Variants in WDR27 observed in about 807,000 individuals in gnomAD.
WDR27 encodes WD repeat domain 27, also known as WD repeat-containing protein 27.
WDR27 carries 100 observed loss-of-function variants against 114.4 expected under a neutral mutation model. The observed-to-expected ratio is 0.87, with a 90% CI of 0.74 to 1.03. The LOEUF (loss-of-function observed/expected upper bound fraction) is 1.03. Among genes scored for constraint, WDR27 ranks in the 50% least tolerant of loss-of-function variants. The probability of loss-of-function intolerance (pLI) is 0.00; values close to 1 mark genes in which losing one functional copy is unlikely to be tolerated. For synonymous variants in WDR27, 449 were observed against 423.1 expected, an observed-to-expected ratio of 1.06 and a Z score of -0.75; for missense variants, 1,129 against 1,092.9, an observed-to-expected ratio of 1.03 and a Z score of -0.47.
chr6:169,439,098 A>C, the WDR27 span, among the ~76,000 whole-genome samples: 2 of 152,252 alleles, frequency 1.3e-5, no homozygotes, highest in East Asian at 1.9e-4. Flanking sequence ...GTTGGGCCCC[A>C]AAAAAACATC....
rs1368018765 is a variant in WDR27, at chr6:169,647,838, G to A, written c.1592C>T (p.Thr531Ile). ...EAYPVECAVP[T>I]KPGPQVAAAP... ...GGCAGCGACCTGGGGGCCGGGCTTG[G>A]TGGGCACAGCGCACTCCACGGGGTA... Residue 531 changes from threonine to isoleucine, a missense_variant, in exon 16 of 26, where the codon ACC becomes ATC. Transcript: ENST00000448612. The A allele has an allele frequency of 6.3e-7, 1 of 1,580,380 alleles. No individual in the cohort carries two copies. Among genetic ancestry groups the A allele is most frequent in the Admixed American group, 1.8e-5 (1 of 54,990 alleles).
downstream of WDR27, among the ~76,000 whole-genome samples, chr6:169,454,306 G>A (rs1784268321): frequency 6.6e-6 from 1 of 152,132 alleles, no homozygotes; most frequent in African/African-American, 2.4e-5. Flanking sequence ...ATATCTGCTA[G>A]GTATCTGAGA....
At chr6:169,655,379 C>G (rs1281489148) in intron 13 of WDR27, among the ~76,000 whole-genome samples, 1 of 152,256 alleles carries the variant, frequency 6.6e-6, no homozygotes, top group Non-Finnish European at 1.5e-5. Flanking sequence ...CAGGGTACAG[C>G]AGGGTGCTGC....
intron 16 of WDR27, among the ~76,000 whole-genome samples, chr6:169,646,008 G>C (rs9766883): frequency 0.25 from 35,743 of 142,698 alleles, 4,761 homozygotes; most frequent in African/African-American, 0.37. Context: ...AGGAGTCACA[G>C]TATAGAAAAG....
At chr6:169,483,713 A>G (rs766765445) in intron 25 of WDR27, among the ~76,000 whole-genome samples, 2 of 151,134 alleles carry the variant, frequency 1.3e-5, no homozygotes, top group Non-Finnish European at 3.0e-5. Context: ...ACACACAGAC[A>G]CACACACACA....
chr6:169,471,503 TAA>T (rs1309668299), intron 25 of WDR27, among the ~76,000 whole-genome samples: 1 of 152,182 alleles, frequency 6.6e-6, no homozygotes, highest in African/African-American at 2.4e-5. Flanking sequence ...GAAAAGCGAA[TAA>T]AGTTATTTCC....
At chr6:169,630,289 T>C (rs181931395) in intron 21 of WDR27, among the ~76,000 whole-genome samples, 109 of 152,378 alleles carry the variant, frequency 7.2e-4, no homozygotes, top group African/African-American at 2.5e-3. Flanking sequence ...TTTTTTTCTC[T>C]AGATTTACAT....
chr6:169,648,924 T>C (rs1396678290), intron 15 of WDR27, among the ~76,000 whole-genome samples: 1 of 152,256 alleles, frequency 6.6e-6, no homozygotes, highest in Non-Finnish European at 1.5e-5. Flanking sequence ...GGGAGGAGCA[T>C]CGGCTACGGC....
At chr6:169,625,985 G>T (rs1814709632) in intron 21 of WDR27, among the ~76,000 whole-genome samples, 1 of 152,230 alleles carries the variant, frequency 6.6e-6, no homozygotes, top group South Asian at 2.1e-4. Flanking sequence ...GCTTGAGACT[G>T]GGTCTGAGGC....
At position 169,662,478 on chromosome 6, in the gene WDR27, GT is replaced by G. The variant is rs1378140042; in HGVS notation, c.905-55del. On this transcript the variant is annotated intron_variant, in intron 8 of 25. Transcript: ENST00000448612. ...AAGTGAACTTAAATGCATCCGTCAA[GT>G]TTAAAGGCTGAGGACTGCCACACAG... 1.9e-6 allele frequency: 3 copies of G among 1,596,600 alleles called. No individual in the cohort carries two copies. In the East Asian group the frequency reaches 6.7e-5, roughly 36 times the overall value.
chr6:169,695,920 G>A (rs1785807574), intron 1 of WDR27, among the ~76,000 whole-genome samples: 1 of 152,164 alleles, frequency 6.6e-6, no homozygotes, highest in Non-Finnish European at 1.5e-5. Context: ...AAGGACCCAG[G>A]AGCTGAGGCC....
chr6:169,607,358 C>A (rs1809418116), intron 22 of WDR27, among the ~76,000 whole-genome samples: 1 of 151,012 alleles, frequency 6.6e-6, no homozygotes, highest in Admixed American at 6.6e-5. Context: ...TAACAGGCGA[C>A]TGAATAAAGA....
At chr6:169,698,528 TAA>T (rs748290748) in intron 1 of WDR27, among the ~76,000 whole-genome samples, 5 of 152,254 alleles carry the variant, frequency 3.3e-5, no homozygotes, top group Non-Finnish European at 5.9e-5. Context: ...ATCATTTGTG[TAA>T]AAAGTTATTT....
At chr6:169,599,758 C>T (rs1807573854) in intron 23 of WDR27, among the ~76,000 whole-genome samples, 1 of 152,084 alleles carries the variant, frequency 6.6e-6, no homozygotes, top group African/African-American at 2.4e-5. Context: ...GTCTCTATTT[C>T]CTTCAGTTCT....
intron 25 of WDR27, among the ~76,000 whole-genome samples, chr6:169,569,737 A>G (rs760645882): frequency 7.2e-5 from 11 of 152,204 alleles, no homozygotes; most frequent in Non-Finnish European, 1.3e-4. Context: ...TTAAATATTA[A>G]TTATTCCAGG....
the WDR27 span, among the ~76,000 whole-genome samples, chr6:169,441,591 C>T: frequency 3.9e-5 from 6 of 152,198 alleles, no homozygotes; most frequent in African/African-American, 1.4e-4. Context: ...CTTGCTGCAA[C>T]CTTAAGGCCA....
At chr6:169,521,639 G>A (rs1794395900) in intron 25 of WDR27, among the ~76,000 whole-genome samples, 1 of 152,000 alleles carries the variant, frequency 6.6e-6, no homozygotes, top group Non-Finnish European at 1.5e-5. Context: ...TGTAAATTGA[G>A]ACTACTAAAA....
intron 22 of WDR27, among the ~76,000 whole-genome samples, chr6:169,603,674 G>C (rs1283804518): frequency 6.6e-6 from 1 of 152,196 alleles, no homozygotes; most frequent in Non-Finnish European, 1.5e-5. Flanking sequence ...ATAGAGAGCA[G>C]TGGCCAAGAG....
intron 21 of WDR27, among the ~76,000 whole-genome samples, chr6:169,623,727 A>T (rs1233511167): frequency 6.6e-6 from 1 of 152,234 alleles, no homozygotes; most frequent in African/African-American, 2.4e-5. Flanking sequence ...TAATTGACCC[A>T]TAAGAACTGC....
Sources: gnomAD v4.1 joint callset for allele counts (sites outside exome capture counted in the v4.1 genomes callset) on GRCh38, gnomAD v4.1.1 for gene constraint, MANE v1.5 for transcripts, NCBI Gene and HGNC (gene_info 2026-07-23, HGNC 2026-07-21) for gene names.